Variants in IL34 observed in about 807,000 individuals in gnomAD.
IL34 encodes interleukin-34.
A neutral mutation model predicts 25.3 loss-of-function variants in IL34; 17 were observed. The ratio of observed to expected loss-of-function variants is 0.67; its 90% confidence interval spans 0.46 to 1.01. The LOEUF (loss-of-function observed/expected upper bound fraction) is 1.01, where lower values mean the gene tolerates loss of function less well. IL34 is among the 50% of genes least tolerant of loss of function. IL34 has a pLI of 0.00. For synonymous variants in IL34, 174 were observed against 140.9 expected (o/e 1.23, Z -1.66); for missense variants, 368 against 312.9 (o/e 1.18, Z -1.33).
intron 2 of IL34, among the ~76,000 whole-genome samples, chr16:70,655,603 G>C (rs944004172): frequency 1.3e-5 from 2 of 151,598 alleles, no homozygotes; most frequent in African/African-American, 2.4e-5. Flanking sequence ...TGTTGCCCAG[G>C]GTGGTCTTGA....
intron 1 of IL34, among the ~76,000 whole-genome samples, chr16:70,606,478 C>T (rs926902424): frequency 6.6e-6 from 1 of 152,178 alleles, no homozygotes; most frequent in Non-Finnish European, 1.5e-5. Flanking sequence ...CAAATTCCCT[C>T]AAACCTTCAT....
chr16:70,605,570 C>T, intron 1 of IL34, among the ~76,000 whole-genome samples: 1 of 152,140 alleles, frequency 6.6e-6, no homozygotes, highest in East Asian at 1.9e-4. Flanking sequence ...ATGAATTAGC[C>T]TTTTCTAGAT....
At chr16:70,618,091 C>A (rs2051202267) in intron 1 of IL34, among the ~76,000 whole-genome samples, 1 of 152,106 alleles carries the variant, frequency 6.6e-6, no homozygotes, top group South Asian at 2.1e-4. Context: ...AGATGGAACA[C>A]TGAGAAGTTA....
At chr16:70,610,566 G>A (rs2051075841) in intron 1 of IL34, among the ~76,000 whole-genome samples, 1 of 152,186 alleles carries the variant, frequency 6.6e-6, no homozygotes, top group South Asian at 2.1e-4. Flanking sequence ...TGGGGAGAAC[G>A]ACACACAACA....
intron 1 of IL34, among the ~76,000 whole-genome samples, chr16:70,617,031 CAA>C (rs2051183689): frequency 6.6e-6 from 1 of 151,956 alleles, no homozygotes; most frequent in Non-Finnish European, 1.5e-5. Flanking sequence ...AGGGTTGCTT[CAA>C]GCAGGATTAG....
intron 1 of IL34, among the ~76,000 whole-genome samples, chr16:70,587,872 C>A (rs988684487): frequency 3.9e-5 from 6 of 151,988 alleles, no homozygotes; most frequent in Non-Finnish European, 5.9e-5. Flanking sequence ...GATCCTGGCT[C>A]CACTAAAAAT....
intron 1 of IL34, among the ~76,000 whole-genome samples, chr16:70,613,501 G>A (rs761219534): frequency 6.6e-6 from 1 of 152,194 alleles, no homozygotes; most frequent in Non-Finnish European, 1.5e-5. Context: ...AACAACTGGA[G>A]TTGGCTATTC....
chr16:70,633,463 C>A (rs12596034), intron 1 of IL34, among the ~76,000 whole-genome samples: 9 of 152,028 alleles, frequency 5.9e-5, no homozygotes, highest in Non-Finnish European at 1.0e-4. Flanking sequence ...CGTGGTCTCC[C>A]TATGTTGCCC....
At chr16:70,635,581 C>A (rs2151855863) in intron 1 of IL34, among the ~76,000 whole-genome samples, 1 of 152,274 alleles carries the variant, frequency 6.6e-6, no homozygotes, top group East Asian at 1.9e-4. Context: ...TCGGCAGCTT[C>A]CTTGAGCAGG....
chr16:70,652,964 G>A (rs2052118076), intron 1 of IL34, among the ~76,000 whole-genome samples: 1 of 152,178 alleles, frequency 6.6e-6, no homozygotes, highest in Non-Finnish European at 1.5e-5. Context: ...AGCACTTTGG[G>A]AGGCAGAGGC....
intron 1 of IL34, among the ~76,000 whole-genome samples, chr16:70,588,063 G>A (rs1445725970): frequency 6.6e-6 from 1 of 152,146 alleles, no homozygotes; most frequent in Non-Finnish European, 1.5e-5. Context: ...AACAATATGT[G>A]TTGGTGGGAT....
At chr16:70,638,815 C>G (rs1282802940) in intron 1 of IL34, among the ~76,000 whole-genome samples, 1 of 152,114 alleles carries the variant, frequency 6.6e-6, no homozygotes, top group Non-Finnish European at 1.5e-5. Flanking sequence ...CTCCTGGGCT[C>G]AAGCGATCCT....
intron 1 of IL34, among the ~76,000 whole-genome samples, chr16:70,630,523 C>A (rs758038072): frequency 6.6e-6 from 1 of 151,880 alleles, no homozygotes; most frequent in Non-Finnish European, 1.5e-5. Flanking sequence ...TGAACCACTG[C>A]GCCTGGCCCC....
At chr16:70,636,184 G>A (rs750783921) in intron 1 of IL34, among the ~76,000 whole-genome samples, 7 of 152,012 alleles carry the variant, frequency 4.6e-5, no homozygotes, top group Non-Finnish European at 7.4e-5. Context: ...GATTACAGGT[G>A]TGTGCCACCA....
At chr16:70,601,749 C>T (rs1225158019) in intron 1 of IL34, among the ~76,000 whole-genome samples, 2 of 152,208 alleles carry the variant, frequency 1.3e-5, no homozygotes, top group Admixed American at 6.5e-5. Context: ...TTCCCAGCAG[C>T]CCCAGGTGGG....
intron 1 of IL34, among the ~76,000 whole-genome samples, chr16:70,628,180 A>G (rs1187892819): frequency 2.0e-5 from 3 of 152,180 alleles, no homozygotes; most frequent in Non-Finnish European, 4.4e-5. Flanking sequence ...GCACCTTATT[A>G]TATATTTATT....
chr16:70,610,635 A>C (rs2151826764), intron 1 of IL34, among the ~76,000 whole-genome samples: 1 of 152,356 alleles, frequency 6.6e-6, no homozygotes, highest in East Asian at 1.9e-4. Context: ...AAAGTGCCGC[A>C]GAGGGAGTGA....
chr16:70,655,260 T>G (rs1248428134), intron 2 of IL34, among the ~76,000 whole-genome samples: 28 of 151,628 alleles, frequency 1.8e-4, no homozygotes, highest in Admixed American at 1.8e-3. Context: ...ACCATGTTAG[T>G]CAGGATGGTC....
chr16:70,609,846 GATC>G (rs1348042439), intron 1 of IL34, among the ~76,000 whole-genome samples: 1 of 152,176 alleles, frequency 6.6e-6, no homozygotes, highest in Admixed American at 6.6e-5. Context: ...GAGAAACTCA[GATC>G]TATAGCTAGA....
Sources: gnomAD v4.1 joint callset for allele counts (sites outside exome capture counted in the v4.1 genomes callset) on GRCh38, gnomAD v4.1.1 for gene constraint, MANE v1.5 for transcripts, NCBI Gene and HGNC (gene_info 2026-07-23, HGNC 2026-07-21) for gene names.